TTYH2: variants seen among roughly 807,000 people sequenced by gnomAD.
The protein encoded by TTYH2 is tweety family member 2, also known as protein tweety homolog 2.
A neutral mutation model predicts 68.3 loss-of-function variants in TTYH2; 49 were observed. The ratio of observed to expected loss-of-function variants is 0.72; its 90% CI spans 0.57 to 0.91. The LOEUF (loss-of-function observed/expected upper bound fraction) is 0.91. TTYH2 is among the 40% of genes least tolerant of loss of function. TTYH2 has a pLI of 0.00. For missense variants in TTYH2, 631 were observed against 700.4 expected (o/e 0.90, Z 1.12); for synonymous variants, 272 against 300.8 (o/e 0.90, Z 0.99).
rs78717507 is a variant in TTYH2 at position 74,236,169 on chromosome 17, G to C, written c.415-1125G>C. On this transcript the variant is annotated intron_variant, in intron 3 of 13. Coordinates refer to ENST00000269346, the MANE Select transcript of TTYH2 (RefSeq NM_032646.6). ...CACCCAGCAGGACACACATCCAGGGGAGGATGTGAATACAAGGAGAAGGCG... is the reference window on the plus strand; with the variant it reads ...CACCCAGCAGGACACACATCCAGGGCAGGATGTGAATACAAGGAGAAGGCG... Among the ~76,000 whole-genome samples, 23 of 152,298 alleles carry C rather than the reference G, an allele frequency of 1.5e-4. 1 individual carries two copies. In the East Asian group the frequency reaches 4.3e-3, roughly 28 times the overall value.
chr17:74,248,132 AG>A (rs2050579800), intron 6 of TTYH2: 1 of 359,234 alleles, frequency 2.8e-6, no homozygotes, highest in African/African-American at 2.2e-5. Context: ...GGGCACTCAG[AG>A]GGGTCCCCTG....
intron 4 of TTYH2, among the ~76,000 whole-genome samples, chr17:74,242,589 C>T (rs530196116): frequency 1.9e-4 from 29 of 152,306 alleles, no homozygotes; most frequent in African/African-American, 6.7e-4. Context: ...GATGAGGTTT[C>T]ACCACGTTGG....
chr17:74,255,347 G>A (rs1006339758), intron 13 of TTYH2, among the ~76,000 whole-genome samples: 2 of 152,236 alleles, frequency 1.3e-5, no homozygotes, highest in Admixed American at 6.5e-5. Flanking sequence ...GCGTACGTGC[G>A]AAGCATCCAG....
rs974630978 is a variant in TTYH2 at position 74,246,703 on chromosome 17, C to T, written c.805-2308C>T. ...ACACGTGTATTAGTCCATTTTCACACTGCTGATAAAGACATACCCAAGACT... is the reference window on the plus strand; with the variant it reads ...ACACGTGTATTAGTCCATTTTCACATTGCTGATAAAGACATACCCAAGACT... On this transcript the variant is annotated intron_variant, in intron 6 of 13. Transcript: ENST00000269346. Among the ~76,000 whole-genome samples the T allele has an allele frequency of 5.3e-5, 8 of 152,262 alleles. No individual in the cohort carries two copies. In the South Asian group the frequency reaches 1.2e-3, roughly 24 times the overall value.
In TTYH2 at chr17:74,253,792, G is replaced by A. The variant is rs202195918; in HGVS notation, c.1483G>A (p.Glu495Lys). The stretch of plus-strand genomic sequence containing the variant: ...GCTCTTTGGTAGGAACCCACGCTAC[G>A]AGAACGTGCCACTAATCGGGAGAGC... ...AMLFGRNPRY[E>K]NVPLIGRASP... The change falls in exon 13 of 14, where the codon GAG (glutamate) becomes AAG (lysine). Residue 495 changes from glutamate (E) to lysine (K), a missense_variant. Physicochemically the swap from Glu to Lys is moderately conservative, Grantham distance 56. Coordinates refer to ENST00000269346, the MANE Select transcript of TTYH2 (RefSeq NM_032646.6). 56 of 1,614,186 alleles carry A rather than the reference G, an allele frequency of 3.5e-5. No individual in the cohort carries two copies. Among genetic ancestry groups the A allele is most frequent in the Non-Finnish European group, 3.9e-5 (46 of 1,180,032 alleles).
At chr17:74,247,379 C>T (rs2050569885) in intron 6 of TTYH2, among the ~76,000 whole-genome samples, 1 of 152,146 alleles carries the variant, frequency 6.6e-6, no homozygotes, top group Non-Finnish European at 1.5e-5. Flanking sequence ...CATGCACACG[C>T]ACACAGGTGC....
chr17:74,253,895 C>T, intron 13 of TTYH2, 62 bp downstream of exon 13: 1 of 1,501,822 alleles, frequency 6.7e-7, no homozygotes, highest in Non-Finnish European at 9.3e-7. Flanking sequence ...CTCCTGCCAA[C>T]CCAGTGAATC....
rs995861857 is a variant in TTYH2 at position 74,230,954 on chromosome 17, C to T, written c.369C>T (p.Tyr123=). Reference sequence around the variant, plus strand: ...ACGATGGGGCGTACCAGCTGATGTACTCCTTGGACGATGCCAACCACACCT... The same window carrying T: ...ACGATGGGGCGTACCAGCTGATGTATTCCTTGGACGATGCCAACCACACCT... ...ETNDGAYQLM[Y]SLDDANHTFS... The change falls in exon 3 of 14, where the codon TAC becomes TAT. Residue 123 remains tyrosine, a synonymous_variant. Coordinates refer to ENST00000269346, the MANE Select transcript of TTYH2 (RefSeq NM_032646.6). The T allele has an allele frequency of 1.9e-6, 3 of 1,614,038 alleles. No individual in the cohort carries two copies. The highest frequency in any genetic ancestry group is 1.7e-5 in the Admixed American group (1 of 60,012).
chr17:74,229,667 G>A (rs1487446050), intron 2 of TTYH2, among the ~76,000 whole-genome samples: 2 of 152,164 alleles, frequency 1.3e-5, no homozygotes, highest in East Asian at 3.9e-4. Context: ...TCCAGACAAT[G>A]AAATATTATT....
At position 74,222,579 on chromosome 17, in the gene TTYH2, G is replaced by A. The variant is rs764438409; in HGVS notation, c.224G>A (p.Arg75Gln). 8 of 1,612,288 alleles carry A rather than the reference G, an allele frequency of 5.0e-6. No individual in the cohort carries two copies. Among genetic ancestry groups the A allele is most frequent in the South Asian group, 2.2e-5 (2 of 91,086 alleles). Residue 75 changes from arginine (R) to glutamine (Q), a missense_variant, in exon 2 of 14, where the codon CGG becomes CAG. Physicochemically the swap from Arg to Gln is conservative, Grantham distance 43 (BLOSUM62 1). Transcript: ENST00000269346. This position sits in a 1 kb window ranked among gnomAD's most constrained non-coding sequence, Gnocchi z 5.2. Reference sequence around the variant, plus strand: ...CTGGTCTGTGCATGCCACTGCCGGCGGGACGATGCGGTGCAGACCAAGCAG... The same window carrying A: ...CTGGTCTGTGCATGCCACTGCCGGCAGGACGATGCGGTGCAGACCAAGCAG... ...AYLVCACHCR[R>Q]DDAVQTKQHH... is the part of the protein sequence containing the mutation.
intron 11 of TTYH2, 137 bp downstream of exon 11, chr17:74,252,513 A>G: frequency 8.9e-7 from 1 of 1,129,768 alleles, no homozygotes; most frequent in South Asian, 1.6e-5. Flanking sequence ...ATTCAGCCCA[A>G]CAGGCTGGCT....
At chr17:74,229,999 C>T (rs566679288) in intron 2 of TTYH2, among the ~76,000 whole-genome samples, 6 of 152,204 alleles carry the variant, frequency 3.9e-5, no homozygotes, top group South Asian at 2.1e-4. Flanking sequence ...GGCGTGGTGG[C>T]GGACACCTGT....
intron 10 of TTYH2, chr17:74,250,641 C>G (rs923662500): frequency 2.9e-6 from 1 of 346,386 alleles, no homozygotes; most frequent in African/African-American, 2.1e-5. Flanking sequence ...GAGGCTGTTC[C>G]CCATTGTCCA....
At chr17:74,250,144 C>T (rs2050605740) in intron 9 of TTYH2, 116 bp downstream of exon 9, 2 of 1,459,680 alleles carry the variant, frequency 1.4e-6, no homozygotes, top group Non-Finnish European at 1.9e-6. Flanking sequence ...TGTTCTCCCG[C>T]CCCCGTGACT....
At chr17:74,235,244 C>T (rs761782131) in intron 3 of TTYH2, among the ~76,000 whole-genome samples, 10 of 152,186 alleles carry the variant, frequency 6.6e-5, no homozygotes, top group Non-Finnish European at 1.2e-4. Flanking sequence ...CGTTGGCCTC[C>T]GAGAGTGGAA....
At chr17:74,256,840 G>A (rs1266363287) in intron 13 of TTYH2, 5 of 152,150 alleles carry the variant, frequency 3.3e-5, no homozygotes, top group African/African-American at 7.2e-5. Context: ...GTAGAGACGG[G>A]GTTTCGCCAT....
At chr17:74,253,676 A>G (rs745396493) in intron 12 of TTYH2, 79 bp from the exon 13 acceptor site, 7 of 1,445,260 alleles carry the variant, frequency 4.8e-6, no homozygotes, top group Non-Finnish European at 6.8e-6. Flanking sequence ...GTGCTCACCC[A>G]TGGGACCCTC....
At chr17:74,240,557 A>G (rs2050488966) in intron 4 of TTYH2, among the ~76,000 whole-genome samples, 1 of 152,086 alleles carries the variant, frequency 6.6e-6, no homozygotes, top group Non-Finnish European at 1.5e-5. Context: ...CTCTCACCTG[A>G]GCTGCTCTGC....
chr17:74,242,517 C>G (rs182989081), intron 4 of TTYH2, among the ~76,000 whole-genome samples: 1 of 152,250 alleles, frequency 6.6e-6, no homozygotes, highest in African/African-American at 2.4e-5. Context: ...ATCAGCCTCC[C>G]GAGTAGCTGG....
Sources: gnomAD v4.1 joint callset for allele counts (sites outside exome capture counted in the v4.1 genomes callset) on GRCh38, gnomAD v4.1.1 for gene constraint, Gnocchi (gnomAD v3.1) non-coding constraint, MANE v1.5 for transcripts, NCBI Gene and HGNC (gene_info 2026-07-23, HGNC 2026-07-21) for gene names.